IGDCC4: variants seen among roughly 807,000 people sequenced by gnomAD.
The protein encoded by IGDCC4 is likely ortholog of mouse neighbor of Punc E11.
In IGDCC4, 72 loss-of-function variants were observed where a neutral mutation model predicts 116.6. That is an observed-to-expected ratio of 0.62 (90% CI 0.51 to 0.75). IGDCC4 has a LOEUF of 0.75. Ranked by LOEUF, IGDCC4 falls within the 30% of genes least tolerant of loss-of-function variation. IGDCC4 has a pLI of 0.00. For synonymous variants in IGDCC4, 709 were observed against 719.9 expected (o/e 0.98, Z 0.24); for missense variants, 1,501 against 1,662.4 (o/e 0.90, Z 1.69).
At chr15:65,403,264 C>A (rs888325871) in intron 3 of IGDCC4, among the ~76,000 whole-genome samples, 23 of 152,176 alleles carry the variant, frequency 1.5e-4, no homozygotes, top group African/African-American at 5.3e-4. Flanking sequence ...GATAGAGGGC[C>A]ATCTCCAAAT....
At chr15:65,407,913 C>T (rs1011372457) in intron 3 of IGDCC4, among the ~76,000 whole-genome samples, 9 of 151,644 alleles carry the variant, frequency 5.9e-5, no homozygotes, top group South Asian at 2.1e-4. Flanking sequence ...GGATTACAGG[C>T]GTGAGCCACC....
intron 1 of IGDCC4, among the ~76,000 whole-genome samples, chr15:65,420,636 G>GC (rs1487034989): frequency 6.6e-6 from 1 of 151,580 alleles, no homozygotes; most frequent in Admixed American, 6.6e-5. Context: ...TCCCTCACCT[G>GC]CCCCCCATCC....
At chr15:65,392,107 C>G in intron 11 of IGDCC4, 27 bp downstream of exon 11, 1 of 1,501,806 alleles carries the variant, frequency 6.7e-7, no homozygotes, top group Non-Finnish European at 9.1e-7. Context: ...TACATCCCTC[C>G]CTCCCCCTCC....
chr15:65,386,192 G>A (rs2091456896), intron 17 of IGDCC4, 133 bp from the exon 18 acceptor site: 10 of 642,474 alleles, frequency 1.6e-5, no homozygotes, highest in Non-Finnish European at 2.5e-5. Flanking sequence ...TCTGTGCAAT[G>A]AGTAAGAAAA....
Position 65,384,029 on chromosome 15 carries a change from G to A in IGDCC4, c.3733C>T (p.Pro1245Ser). Residue 1245 changes from proline (P) to serine (S), a missense_variant, in exon 20 of 20, where the codon CCG becomes TCG. By Grantham distance (74) the Pro-to-Ser change is moderately conservative (BLOSUM62 -1). Transcript: ENST00000352385. The surrounding 1 kb of genome is among the most constrained non-coding windows in gnomAD (Gnocchi z 4.9). ...LGASPGLPRS[P>S]VSSSA ...AAGAGCTAGGCAGAGGAGGAGACCG[G>A]GGATCTGGGCAGGCCTGGGCTGGCT... 2 of 1,595,374 alleles carry A rather than the reference G, an allele frequency of 1.3e-6. No individual in the cohort carries two copies. The highest frequency in any genetic ancestry group is 1.7e-6 in the Non-Finnish European group (2 of 1,166,284).
At chr15:65,390,466 CA>C in intron 12 of IGDCC4, 128 bp from the exon 13 acceptor site, 1 of 678,496 alleles carries the variant, frequency 1.5e-6, no homozygotes, top group Non-Finnish European at 2.2e-6. Flanking sequence ...TGAGTGGCAT[CA>C]TTCCTACTTC....
Position 65,395,879 on chromosome 15 carries a change from G to T in IGDCC4, c.1282C>A (p.Leu428Met). 6.3e-7 allele frequency: 1 copy of T among 1,586,462 alleles called. No homozygotes were observed. Among genetic ancestry groups the T allele is most frequent in the Non-Finnish European group, 8.5e-7 (1 of 1,173,500 alleles). Residue 428 changes from leucine (L) to methionine (M), a missense_variant, in exon 7 of 20, where the codon CTG becomes ATG. Leu to Met is a conservative substitution (Grantham distance 15, BLOSUM62 2). Coordinates refer to ENST00000352385, the MANE Select transcript of IGDCC4 (RefSeq NM_020962.3). The part of the protein sequence containing the change: ...ASLAVVVREG[L>M]PSAPTRVTAT... ...GTGACCCGCGTGGGGGCGCTGGGCA[G>T]CCCCTCGCGCACCACCACGGCCAGC...
intron 1 of IGDCC4, among the ~76,000 whole-genome samples, chr15:65,419,651 A>C (rs866118878): frequency 6.6e-6 from 1 of 152,134 alleles, no homozygotes; most frequent in South Asian, 2.1e-4. Flanking sequence ...CTGGGCTGAG[A>C]AAGGGATGGG....
chr15:65,419,267 A>C (rs2063170127), intron 1 of IGDCC4, among the ~76,000 whole-genome samples: 1 of 147,650 alleles, frequency 6.8e-6, no homozygotes, highest in Non-Finnish European at 1.5e-5. Flanking sequence ...ATGAGGTCTC[A>C]ATATGTTGCC....
chr15:65,418,563 G>A lies in IGDCC4; in HGVS notation c.70+4230C>T, dbSNP rs192158935. Among the ~76,000 whole-genome samples the A allele has an allele frequency of 1.6e-4, 24 of 152,256 alleles. 1 individual carries two copies. The East Asian group carries it at 4.6e-3, about 29-fold the overall frequency. On this transcript the variant is annotated intron_variant, in intron 1 of 19. Coordinates refer to ENST00000352385, the MANE Select transcript of IGDCC4 (RefSeq NM_020962.3). ...CTCACTCAGCCTCAGCAGTGAGGCA[G>A]TAGTAGCTGGCAGCCCAGTTGGCAC...
intron 3 of IGDCC4, among the ~76,000 whole-genome samples, chr15:65,403,342 T>G (rs1419287254): frequency 3.3e-5 from 5 of 152,220 alleles, no homozygotes; most frequent in Non-Finnish European, 7.3e-5. Flanking sequence ...CATTCAATGT[T>G]CCTGGTAACA....
intron 1 of IGDCC4, 118 bp downstream of exon 1, chr15:65,422,675 A>G: frequency 1.3e-6 from 1 of 788,334 alleles, no homozygotes; most frequent in South Asian, 3.0e-5. Flanking sequence ...CTGGACGCGC[A>G]GCCCCCGCAC....
rs185389891 is a variant in IGDCC4 at position 65,390,099 on chromosome 15, C to T, written c.2408+56G>A. ...TCACCACCTGCTGCCTTCCCACCACCACCCCCCACCTATTCTTCCTCCCTT... is the reference window on the plus strand; with the variant it reads ...TCACCACCTGCTGCCTTCCCACCACTACCCCCCACCTATTCTTCCTCCCTT... On this transcript the variant is annotated intron_variant, in intron 13 of 19. Coordinates refer to ENST00000352385, the MANE Select transcript of IGDCC4 (RefSeq NM_020962.3). 21 of 1,451,552 alleles carry T rather than the reference C, an allele frequency of 1.4e-5. 1 individual carries two copies. In the African/African-American group the frequency reaches 1.5e-4, roughly 11 times the overall value. 89.9% of individuals were successfully genotyped at this position (1,451,552 alleles called of 1,614,324 possible). A position where few individuals can be genotyped will look rare whatever the true frequency, so the allele number is the denominator to read the frequency against.
At chr15:65,404,602 T>G (rs1292239964) in intron 3 of IGDCC4, among the ~76,000 whole-genome samples, 2 of 152,174 alleles carry the variant, frequency 1.3e-5, no homozygotes, top group Non-Finnish European at 2.9e-5. Context: ...CCAGGGAATA[T>G]TGTGCTCCAA....
chr15:65,416,924 A>G (rs2063150498), intron 1 of IGDCC4, among the ~76,000 whole-genome samples: 1 of 152,092 alleles, frequency 6.6e-6, no homozygotes, highest in South Asian at 2.1e-4. Flanking sequence ...GGGCCAGCTC[A>G]ATGCTGTTTC....
intron 13 of IGDCC4, 54 bp downstream of exon 13, chr15:65,390,101 C>A (rs2091498807): frequency 3.5e-6 from 5 of 1,440,644 alleles, no homozygotes; most frequent in Non-Finnish European, 4.7e-6. Flanking sequence ...CCCACCACCA[C>A]CCCCCACCTA....
intron 9 of IGDCC4, 88 bp downstream of exon 9, chr15:65,394,323 C>T (rs1327883645): frequency 6.9e-6 from 11 of 1,585,890 alleles, no homozygotes; most frequent in Middle Eastern, 1.7e-4. Context: ...CTCCGACTCC[C>T]GTACCCTGCT....
chr15:65,389,160 C>A, intron 14 of IGDCC4, 124 bp downstream of exon 14: 1 of 1,384,646 alleles, frequency 7.2e-7, no homozygotes, highest in South Asian at 1.4e-5. Context: ...TCCTCCCCTC[C>A]CAGAAACTCT....
Position 65,402,462 on chromosome 15 carries a change from G to A in IGDCC4, c.589C>T (p.Leu197Phe). 1 of 1,566,890 alleles carries A rather than the reference G, an allele frequency of 6.4e-7. No homozygotes were observed. The highest frequency in any genetic ancestry group is 2.3e-5 in the East Asian group (1 of 43,018). ...CTCTCCTGAACATCCAGGATCTGAAGGACGCCGTTGGGAAGCACGATGAGC... is the reference window on the plus strand; with the variant it reads ...CTCTCCTGAACATCCAGGATCTGAAAGACGCCGTTGGGAAGCACGATGAGC... ...PRLIVLPNGV[L>F]QILDVQESDA... The change falls in exon 4 of 20, where the codon CTT (leucine) becomes TTT (phenylalanine). Residue 197 changes from leucine (L) to phenylalanine (F), a missense_variant. Leu to Phe is a conservative substitution (Grantham distance 22). This residue lies in a region of IGDCC4 where 898 missense variants were observed against 978.9 expected (regional missense o/e 0.92). Transcript: ENST00000352385.
Sources: allele counts gnomAD v4.1 joint callset (sites outside exome capture counted in the v4.1 genomes callset), GRCh38; gene constraint gnomAD v4.1.1; regional missense constraint gnomAD v4.1.1; non-coding constraint Gnocchi (gnomAD v3.1); transcripts MANE v1.5; gene names NCBI Gene and HGNC (gene_info 2026-07-23, HGNC 2026-07-21).